Variants in CFAP206 observed in about 807,000 individuals in gnomAD.
CFAP206 encodes the protein cilia- and flagella-associated protein 206.
CFAP206 carries 53 observed loss-of-function variants against 65.4 expected under a neutral mutation model. The ratio of observed to expected loss-of-function variants is 0.81; its 90% CI spans 0.65 to 1.02. The LOEUF is 1.02. Ranked by LOEUF, CFAP206 falls within the 50% of genes least tolerant of loss-of-function variation. CFAP206 has a pLI of 0.00. For missense variants in CFAP206, 663 were observed against 753.2 expected, an observed-to-expected ratio of 0.88 and a Z score of 1.40; for synonymous variants, 250 against 254.4, an observed-to-expected ratio of 0.98 and a Z score of 0.17.
In CFAP206 at chr6:87,413,801, C is replaced by G. The variant is rs761521740; in HGVS notation, c.193-9C>G. 1.3e-6 allele frequency: 2 copies of G among 1,512,268 alleles called. No individual in the cohort carries two copies. Among genetic ancestry groups the G allele is most frequent in the East Asian group, 4.8e-5 (2 of 42,074 alleles). The allele number at this position is 1,512,268 out of a possible 1,614,324, so 93.7% of individuals were successfully genotyped here. ...TAACTAGAAGTATTCATGGGACATT[C>G]TTTTCTAGCTTTGTATGACTCGGCT... On this transcript the variant is annotated splice_polypyrimidine_tract_variant and intron_variant, in intron 3 of 12. Coordinates refer to ENST00000369562, the MANE Select transcript of CFAP206 (RefSeq NM_001031743.3).
At chr6:87,461,909 G>T (rs10944312) in intron 12 of CFAP206, among the ~76,000 whole-genome samples, 22,461 of 152,090 alleles carry the variant, frequency 0.15, 2,178 homozygotes, top group Non-Finnish European at 0.2. Flanking sequence ...GAGTGGGAAA[G>T]CTTTATAGTC....
In CFAP206 at chr6:87,415,839, C is replaced by A. The variant is rs779724092; in HGVS notation, c.437C>A (p.Ser146Tyr). The A allele has an allele frequency of 1.2e-6, 2 of 1,604,456 alleles. No homozygotes were observed. The highest frequency in any genetic ancestry group is 1.3e-5 in the African/African-American group (1 of 74,428). ...SYVLLRSGLG[S>Y]PTDIKTVREV... ...GTGTTACTCCGCTCTGGCCTTGGAT[C>A]CCCTACAGACATCAAGACTGTCAGA... is the stretch of plus-strand genomic sequence containing the variant. The change falls in exon 5 of 13, where the codon TCC becomes TAC. Residue 146 changes from serine (S) to tyrosine (Y), a missense_variant. Transcript: ENST00000369562.
intron 11 of CFAP206, among the ~76,000 whole-genome samples, chr6:87,453,996 G>A (rs1334016330): frequency 6.6e-6 from 1 of 152,050 alleles, no homozygotes; most frequent in Non-Finnish European, 1.5e-5. Flanking sequence ...TACAAGAAAT[G>A]CACTTCACCT....
chr6:87,434,200 G>A (rs1031225520), intron 10 of CFAP206, among the ~76,000 whole-genome samples: 13 of 152,020 alleles, frequency 8.6e-5, no homozygotes, highest in Admixed American at 2.0e-4. Flanking sequence ...CCACGAGTTC[G>A]AGACCAGCCT....
chr6:87,427,235 T>C (rs577030335), intron 8 of CFAP206, among the ~76,000 whole-genome samples: 2 of 152,320 alleles, frequency 1.3e-5, no homozygotes, highest in African/African-American at 4.8e-5. Context: ...CCTCCTGGGT[T>C]CACGCCATTC....
intron 9 of CFAP206, 132 bp downstream of exon 9, chr6:87,428,956 G>GTACTAA (rs1768106600): frequency 1.1e-6 from 1 of 930,030 alleles, no homozygotes; most frequent in Non-Finnish European, 1.6e-6. Flanking sequence ...AAGTACTAAT[G>GTACTAA]AGGGCCGGGT....
intron 7 of CFAP206, among the ~76,000 whole-genome samples, chr6:87,425,314 TC>T (rs1748452399): frequency 6.6e-6 from 1 of 152,212 alleles, no homozygotes; most frequent in African/African-American, 2.4e-5. Flanking sequence ...CTTAGAAGGA[TC>T]ACAAACCAGT....
intron 3 of CFAP206, 72 bp downstream of exon 3, chr6:87,410,740 T>C: frequency 8.5e-7 from 1 of 1,173,498 alleles, no homozygotes; most frequent in Non-Finnish European, 1.3e-6. Flanking sequence ...GTATTAGTCA[T>C]TATTGCCTTC....
chr6:87,442,944 C>T (rs1768381070), intron 11 of CFAP206, among the ~76,000 whole-genome samples: 1 of 151,982 alleles, frequency 6.6e-6, no homozygotes, highest in Non-Finnish European at 1.5e-5. Flanking sequence ...CATTTCCTTT[C>T]TTTTGCTGTC....
intron 11 of CFAP206, among the ~76,000 whole-genome samples, chr6:87,445,543 T>C (rs570058736): frequency 3.9e-5 from 6 of 152,294 alleles, no homozygotes; most frequent in African/African-American, 1.4e-4. Context: ...ATCTCATTCC[T>C]TTTTATAGCT....
At chr6:87,436,844 T>TA (rs1768276334) in intron 11 of CFAP206, 1 of 152,222 alleles carries the variant, frequency 6.6e-6, no homozygotes, top group Admixed American at 6.5e-5. Flanking sequence ...ACTAAAAAGT[T>TA]ACTCTGAAAA....
intron 11 of CFAP206, among the ~76,000 whole-genome samples, chr6:87,449,606 C>A (rs1393552657): frequency 6.6e-6 from 1 of 152,012 alleles, no homozygotes; most frequent in African/African-American, 2.4e-5. Context: ...TACCTGTTGG[C>A]CATTTGTATA....
chr6:87,425,489 A>G (rs1234599062), intron 7 of CFAP206, among the ~76,000 whole-genome samples: 1 of 152,206 alleles, frequency 6.6e-6, no homozygotes, highest in Non-Finnish European at 1.5e-5. Context: ...TATAAATACT[A>G]CTTCATCCTT....
rs1399732730 is a variant in CFAP206, at chr6:87,426,634, T to G, written c.949T>G (p.Ser317Ala). 1 of 1,582,574 alleles carries G rather than the reference T, an allele frequency of 6.3e-7. No homozygotes were observed. The highest frequency in any genetic ancestry group is 8.6e-7 in the Non-Finnish European group (1 of 1,165,188). ...AAAATCAAAGATAGCGGTCCCAACA[T>G]CACAAGTCTTTGTAAGTATTTGTCA... ...TIKSKIAVPT[S>A]QVFPIFIALS... Residue 317 changes from serine to alanine, a missense_variant, in exon 8 of 13, where the codon TCA becomes GCA. Ser to Ala is a moderately conservative substitution (Grantham distance 99). Coordinates refer to ENST00000369562, the MANE Select transcript of CFAP206 (RefSeq NM_001031743.3).
rs1289803157 is a variant in CFAP206 at position 87,464,314 on chromosome 6, T to C, written c.*64T>C. The stretch of plus-strand genomic sequence containing the variant: ...GAACAATAGCAAGTACTTAAAGGTA[T>C]ATTAACATCTATACAAATTAATTTT... On this transcript the variant is annotated 3_prime_UTR_variant, in exon 13 of 13. Coordinates refer to ENST00000369562, the MANE Select transcript of CFAP206 (RefSeq NM_001031743.3). The C allele has an allele frequency of 7.9e-7, 1 of 1,261,240 alleles. No individual in the cohort carries two copies. The highest frequency in any genetic ancestry group is 1.1e-6 in the Non-Finnish European group (1 of 908,426). 78.1% of individuals were successfully genotyped at this position (1,261,240 alleles called of 1,614,324 possible).
chr6:87,423,205 C>T (rs1048431802), intron 7 of CFAP206, among the ~76,000 whole-genome samples: 2 of 151,902 alleles, frequency 1.3e-5, no homozygotes, highest in African/African-American at 4.8e-5. Flanking sequence ...AGGCGTGAGC[C>T]ACTGCGCCCA....
intron 11 of CFAP206, among the ~76,000 whole-genome samples, chr6:87,442,707 C>G (rs537898236): frequency 6.6e-6 from 1 of 152,008 alleles, no homozygotes; most frequent in Non-Finnish European, 1.5e-5. Flanking sequence ...TGAATTGTAT[C>G]AAATACTATT....
chr6:87,437,620 C>T (rs960688753), intron 11 of CFAP206, among the ~76,000 whole-genome samples: 3 of 151,424 alleles, frequency 2.0e-5, no homozygotes, highest in African/African-American at 7.3e-5. Flanking sequence ...AGAAATTCTC[C>T]TCTGTCCTAG....
At chr6:87,427,650 C>T (rs907284845) in intron 8 of CFAP206, among the ~76,000 whole-genome samples, 2 of 152,162 alleles carry the variant, frequency 1.3e-5, no homozygotes, top group Non-Finnish European at 2.9e-5. Flanking sequence ...TTGCAGCTCA[C>T]AAAACATGGC....
Sources: allele counts gnomAD v4.1 joint callset (sites outside exome capture counted in the v4.1 genomes callset), GRCh38; gene constraint gnomAD v4.1.1; transcripts MANE v1.5; gene names NCBI Gene and HGNC (gene_info 2026-07-23, HGNC 2026-07-21).